PIP5K1B: variants seen among roughly 807,000 people sequenced by gnomAD.
PIP5K1B encodes the protein phosphatidylinositol 4-phosphate 5-kinase type-1 beta.
Under a neutral mutation model 67.0 loss-of-function variants are expected in PIP5K1B, and 42 were observed. The ratio of observed to expected loss-of-function variants is 0.63; its 90% CI spans 0.49 to 0.81. The LOEUF is 0.81. Among genes scored for constraint, PIP5K1B ranks in the 30% least tolerant of loss-of-function variants. PIP5K1B has a pLI of 0.00. For missense variants in PIP5K1B, 459 were observed against 646.3 expected (o/e 0.71, Z 3.14); for synonymous variants, 214 against 231.4 (o/e 0.92, Z 0.68).
chr9:68,824,327 T>G (rs1833878518), intron 4 of PIP5K1B: 1 of 509,758 alleles, frequency 2.0e-6, no homozygotes, highest in African/African-American at 1.9e-5. Context: ...CCATGACATC[T>G]CAGAGTTTGC....
intron 13 of PIP5K1B, among the ~76,000 whole-genome samples, chr9:68,939,250 G>A (rs1198725484): frequency 6.6e-6 from 1 of 152,222 alleles, no homozygotes; most frequent in African/African-American, 2.4e-5. Context: ...CCAATGATGT[G>A]TGACCTGAGA....
chr9:68,980,415 T>C (rs1488585876), intron 14 of PIP5K1B, among the ~76,000 whole-genome samples: 3 of 152,252 alleles, frequency 2.0e-5, no homozygotes, highest in African/African-American at 7.2e-5. Flanking sequence ...TATCAGTTAA[T>C]GTTCTGGTAG....
intron 2 of PIP5K1B, among the ~76,000 whole-genome samples, chr9:68,753,271 A>G (rs1829726747): frequency 6.6e-6 from 1 of 151,028 alleles, no homozygotes; most frequent in South Asian, 2.1e-4. Context: ...TTGATAACAC[A>G]TTTTGATATC....
At chr9:68,792,726 G>C (rs181878932) in intron 2 of PIP5K1B, among the ~76,000 whole-genome samples, 42 of 152,204 alleles carry the variant, frequency 2.8e-4, no homozygotes, top group African/African-American at 9.6e-4. Flanking sequence ...TGATCCGCCC[G>C]CCTCGGCCTC....
At chr9:68,763,553 C>T (rs1455281781) in intron 2 of PIP5K1B, among the ~76,000 whole-genome samples, 1 of 151,938 alleles carries the variant, frequency 6.6e-6, no homozygotes, top group Non-Finnish European at 1.5e-5. Context: ...AGATTCTGTG[C>T]TAAGGAGTTT....
At chr9:68,969,229 A>T (rs901313790) in intron 14 of PIP5K1B, among the ~76,000 whole-genome samples, 1 of 151,924 alleles carries the variant, frequency 6.6e-6, no homozygotes, top group African/African-American at 2.4e-5. Context: ...TTAGCCGGGC[A>T]TGGTGGCGGG....
chr9:68,744,714 G>T (rs982222812), intron 2 of PIP5K1B, among the ~76,000 whole-genome samples: 1 of 152,078 alleles, frequency 6.6e-6, no homozygotes, highest in South Asian at 2.1e-4. Flanking sequence ...TTGTGTTGTG[G>T]GTGTTTAGAG....
At chr9:68,904,707 A>G (rs1466702633) in intron 8 of PIP5K1B, among the ~76,000 whole-genome samples, 2 of 151,594 alleles carry the variant, frequency 1.3e-5, no homozygotes, top group African/African-American at 4.8e-5. Context: ...GCAGCTTTTG[A>G]GAATTCTGAT....
chr9:68,865,302 A>G (rs561597326), intron 5 of PIP5K1B, among the ~76,000 whole-genome samples: 16 of 152,004 alleles, frequency 1.1e-4, no homozygotes, highest in Non-Finnish European at 2.1e-4. Context: ...ACCATTCCAA[A>G]AAAAAAAAAA....
At chr9:68,912,259 A>G (rs1331017901) in intron 8 of PIP5K1B, among the ~76,000 whole-genome samples, 2 of 152,180 alleles carry the variant, frequency 1.3e-5, no homozygotes, top group African/African-American at 4.8e-5. Context: ...ATCCCTGAAG[A>G]TCCATCAACT....
chr9:68,991,540 C>G (rs772416367), intron 15 of PIP5K1B, among the ~76,000 whole-genome samples: 1 of 152,178 alleles, frequency 6.6e-6, no homozygotes, highest in Non-Finnish European at 1.5e-5. Flanking sequence ...TTATTCCCAG[C>G]GAGGAAATGT....
At chr9:68,879,653 CTA>C (rs1350276824) in intron 6 of PIP5K1B, among the ~76,000 whole-genome samples, 1 of 151,994 alleles carries the variant, frequency 6.6e-6, no homozygotes, top group East Asian at 1.9e-4. Context: ...TACATGGTGA[CTA>C]TAGGTAATAA....
intron 2 of PIP5K1B, chr9:68,781,643 A>G (rs771956767): frequency 6.0e-6 from 1 of 166,968 alleles, no homozygotes; most frequent in Non-Finnish European, 1.5e-5. Context: ...CAAATTAAGT[A>G]TATAAAAGTA....
intron 15 of PIP5K1B, among the ~76,000 whole-genome samples, chr9:69,007,744 C>A (rs1411143532): frequency 6.6e-6 from 1 of 152,040 alleles, no homozygotes; most frequent in Non-Finnish European, 1.5e-5. Context: ...GTAGTCCCAG[C>A]TACTCGGGAG....
intron 2 of PIP5K1B, among the ~76,000 whole-genome samples, chr9:68,754,175 C>CTTTTTTTTTCTTTTTT (rs1829793521): frequency 9.9e-6 from 1 of 101,076 alleles, no homozygotes; most frequent in African/African-American, 4.1e-5. Flanking sequence ...TCCATGATTT[C>CTTTTTTTTTCTTTTTT]TTTTTTTTTT....
chr9:68,783,310 G>C (rs1237895228), intron 2 of PIP5K1B: 1 of 166,738 alleles, frequency 6.0e-6, no homozygotes, highest in African/African-American at 2.4e-5. Flanking sequence ...TAGACCACTT[G>C]ATATTCTTTA....
chr9:68,868,176 A>G (rs949560919), intron 5 of PIP5K1B, among the ~76,000 whole-genome samples: 1 of 152,138 alleles, frequency 6.6e-6, no homozygotes, highest in Non-Finnish European at 1.5e-5. Context: ...ATCATATCTT[A>G]ATATTTTGAC....
intron 14 of PIP5K1B, among the ~76,000 whole-genome samples, chr9:68,960,454 T>C (rs955486902): frequency 1.3e-5 from 2 of 152,184 alleles, no homozygotes; most frequent in African/African-American, 4.8e-5. Flanking sequence ...CTTTTTTTCT[T>C]AGGTCTAGGA....
At chr9:68,892,807 A>G (rs1026935155) in intron 7 of PIP5K1B, among the ~76,000 whole-genome samples, 7 of 152,236 alleles carry the variant, frequency 4.6e-5, no homozygotes, top group Admixed American at 6.5e-5. Context: ...GCAGTGGCTC[A>G]TGCCTGTAAT....
Sources: allele counts gnomAD v4.1 joint callset (sites outside exome capture counted in the v4.1 genomes callset), GRCh38; gene constraint gnomAD v4.1.1; transcripts MANE v1.5; gene names NCBI Gene and HGNC (gene_info 2026-07-23, HGNC 2026-07-21).